PTPRB: variants seen among roughly 807,000 people sequenced by gnomAD.
PTPRB encodes the protein protein tyrosine phosphatase receptor type B.
A neutral mutation model predicts 238.1 loss-of-function variants in PTPRB; 97 were observed. The ratio of observed to expected loss-of-function variants is 0.41; its 90% CI spans 0.35 to 0.48. The LOEUF is 0.48. Ranked by LOEUF, PTPRB falls within the 20% of genes least tolerant of loss-of-function variation. PTPRB has a pLI of 0.30. For missense variants in PTPRB, 2,292 were observed against 2,681.9 expected, an observed-to-expected ratio of 0.85 and a Z score of 3.21; for synonymous variants, 970 against 995.4, an observed-to-expected ratio of 0.97 and a Z score of 0.48.
chr12:70,566,696 A>C lies in PTPRB; in HGVS notation c.3643T>G (p.Ser1215Ala), dbSNP rs544749224. The change falls in exon 15 of 34, where the codon TCT becomes GCT. Residue 1215 changes from serine (S) to alanine (A), a missense_variant. By Grantham distance (99) the Ser-to-Ala change is moderately conservative (BLOSUM62 1). Coordinates refer to ENST00000334414, the MANE Select transcript of PTPRB (RefSeq NM_001109754.4). ...INVVGRTVPA[S>A]VQGVIADNAY... ...TTGTCTGCAATTACTCCTTGGACAG[A>C]TGCTGGAACTGCAGAGAGACAAGTG... is the stretch of plus-strand genomic sequence containing the variant. 6.8e-6 allele frequency: 11 copies of C among 1,612,254 alleles called. No homozygotes were observed. The South Asian group carries it at 1.2e-4, about 18-fold the overall frequency.
chr12:70,544,774 GAATA>G (rs1386394702), intron 21 of PTPRB, 111 bp from the exon 22 acceptor site: 6 of 605,924 alleles, frequency 9.9e-6, no homozygotes. Context: ...TAGCAGGGTA[GAATA>G]TGAGTTATGG....
intron 29 of PTPRB, 100 bp from the exon 30 acceptor site, chr12:70,535,055 G>C: frequency 7.4e-7 from 1 of 1,356,750 alleles, no homozygotes. Flanking sequence ...TTAGGAATCT[G>C]GGATCAGCTG....
At chr12:70,555,441 T>A in intron 19 of PTPRB, 132 bp from the exon 20 acceptor site, 1 of 862,594 alleles carries the variant, frequency 1.2e-6, no homozygotes, top group Non-Finnish European at 1.7e-6. Context: ...TGCCTGTGTT[T>A]AATGCTGTAA....
chr12:70,601,102 G>A (rs1046224337), intron 4 of PTPRB, among the ~76,000 whole-genome samples: 1 of 151,906 alleles, frequency 6.6e-6, no homozygotes, highest in South Asian at 2.1e-4. Flanking sequence ...TCCTGACCTC[G>A]TGATCCACCC....
chr12:70,610,097 C>A (rs1413834514), intron 3 of PTPRB, among the ~76,000 whole-genome samples: 1 of 152,158 alleles, frequency 6.6e-6, no homozygotes, highest in Non-Finnish European at 1.5e-5. Context: ...CAGCCCCGTC[C>A]GCTGACTTCC....
chr12:70,594,824 G>A (rs1335840370), intron 5 of PTPRB, 100 bp from the exon 6 acceptor site: 5 of 1,396,750 alleles, frequency 3.6e-6, no homozygotes, highest in Middle Eastern at 2.5e-4. Context: ...GTGTTCCTCT[G>A]TACATCTTAA....
intron 21 of PTPRB, among the ~76,000 whole-genome samples, chr12:70,547,156 C>T (rs574045683): frequency 1.1e-3 from 161 of 152,170 alleles, no homozygotes; most frequent in Non-Finnish European, 1.6e-3. Context: ...TGCCCAGATC[C>T]GAGTGTAATC....
chr12:70,525,305 T>G (rs531617888), intron 32 of PTPRB: 1 of 152,302 alleles, frequency 6.6e-6, no homozygotes, highest in Admixed American at 6.5e-5. Flanking sequence ...ATTGCATTAC[T>G]GAATGAGAAA....
In PTPRB at chr12:70,552,900, G is replaced by C. The variant is rs1296196860; in HGVS notation, c.5264C>G (p.Pro1755Arg). The C allele has an allele frequency of 1.2e-6, 2 of 1,613,978 alleles. No individual in the cohort carries two copies. Among genetic ancestry groups the C allele is most frequent in the Admixed American group, 1.7e-5 (1 of 60,024 alleles). The change falls in exon 21 of 34, where the codon CCT (proline) becomes CGT (arginine). Residue 1755 changes from proline (P) to arginine (R), a missense_variant. Coordinates refer to ENST00000334414, the MANE Select transcript of PTPRB (RefSeq NM_001109754.4). ...NYFASKCAEN[P>R]NSNSKSFNIK... is the part of the protein sequence containing the mutation. ...GTTAAAACTCTTGGAGTTGCTGTTA[G>C]GATTTTCGGCACATTTGCTGGCAAA...
At chr12:70,591,621 T>A (rs898480367) in intron 7 of PTPRB, 1 of 152,320 alleles carries the variant, frequency 6.6e-6, no homozygotes, top group African/African-American at 2.4e-5. Flanking sequence ...ATGAAAGTTT[T>A]CTAAAGCAGG....
intron 3 of PTPRB, among the ~76,000 whole-genome samples, chr12:70,622,015 C>G (rs1436894887): frequency 1.3e-5 from 2 of 152,188 alleles, no homozygotes; most frequent in African/African-American, 2.4e-5. Context: ...GTCTCTCTCC[C>G]TTCCTTTGGA....
intron 2 of PTPRB, among the ~76,000 whole-genome samples, chr12:70,633,885 TG>T (rs1462207677): frequency 1.3e-5 from 2 of 152,066 alleles, no homozygotes; most frequent in Admixed American, 6.6e-5. Context: ...AAGGTTTGAT[TG>T]GGGTTTGGGG....
At position 70,590,940 on chromosome 12, in the gene PTPRB, G is replaced by GTTT. The variant is rs35496972; in HGVS notation, c.1781-710_1781-708dup. Among the ~76,000 whole-genome samples, 154 of 102,832 alleles carry GTTT rather than the reference G, an allele frequency of 1.5e-3. 8 individuals carry two copies. Among genetic ancestry groups the GTTT allele is most frequent in the Middle Eastern group, 0.014 (2 of 144 alleles). The allele number at this position is 102,832 out of a possible 152,430, so 67.5% of individuals were successfully genotyped here. A position where few individuals can be genotyped will look rare whatever the true frequency, so the allele number is the denominator to read the frequency against. On this transcript the variant is annotated intron_variant, in intron 7 of 33. Coordinates refer to ENST00000334414, the MANE Select transcript of PTPRB (RefSeq NM_001109754.4). ...TAAAGATCATTTCTATTTCCTCCAAGTTTTTTTTTTTTTTTTTTTTTGAGA... is the reference window on the plus strand; with the variant it reads ...TAAAGATCATTTCTATTTCCTCCAAGTTTTTTTTTTTTTTTTTTTTTTTTGAGA...
intron 2 of PTPRB, among the ~76,000 whole-genome samples, chr12:70,631,642 A>C (rs1216268964): frequency 1.3e-5 from 2 of 152,238 alleles, no homozygotes; most frequent in East Asian, 3.9e-4. Context: ...GTGAACAGGC[A>C]ACCTACAGAA....
intron 11 of PTPRB, 70 bp from the exon 12 acceptor site, chr12:70,572,157 C>T: frequency 7.1e-7 from 1 of 1,401,660 alleles, no homozygotes; most frequent in East Asian, 2.3e-5. Context: ...AGATGACAAG[C>T]TGGGACAATA....
At chr12:70,584,944 C>T (rs1452760010) in intron 9 of PTPRB, 3 of 147,314 alleles carry the variant, frequency 2.0e-5, no homozygotes, top group African/African-American at 5.0e-5. Context: ...ATAGTATATA[C>T]ATTGAAAAAA....
At chr12:70,571,724 A>G in intron 12 of PTPRB, 100 bp downstream of exon 12, 1 of 1,296,266 alleles carries the variant, frequency 7.7e-7, no homozygotes, top group Non-Finnish European at 1.1e-6. Context: ...CTGGGAATGT[A>G]ATGTACTAAT....
intron 6 of PTPRB, among the ~76,000 whole-genome samples, chr12:70,593,889 G>A (rs1184329705): frequency 6.6e-6 from 1 of 152,106 alleles, no homozygotes; most frequent in Non-Finnish European, 1.5e-5. Flanking sequence ...TGTCTCTCTT[G>A]GATATTATAT....
At chr12:70,565,764 C>T (rs1030552) in intron 15 of PTPRB, among the ~76,000 whole-genome samples, 32,245 of 152,108 alleles carry the variant, frequency 0.21, 4,130 homozygotes, top group African/African-American at 0.36. Context: ...CCAAAGATGT[C>T]CATGTCCTAA....
Sources: allele counts gnomAD v4.1 joint callset (sites outside exome capture counted in the v4.1 genomes callset), GRCh38; gene constraint gnomAD v4.1.1; transcripts MANE v1.5; gene names NCBI Gene and HGNC (gene_info 2026-07-23, HGNC 2026-07-21).